MYLK4: variants seen among roughly 807,000 people sequenced by gnomAD.
MYLK4 encodes the protein myosin light chain kinase family member 4.
In MYLK4, 46 loss-of-function variants were observed where a neutral mutation model predicts 48.1. The observed-to-expected ratio is 0.96, with a 90% CI of 0.75 to 1.22. The LOEUF is 1.22. MYLK4 is among the 50% of genes most tolerant of loss of function. MYLK4 has a pLI of 0.00. For synonymous variants in MYLK4, 170 were observed against 180.8 expected, an observed-to-expected ratio of 0.94 and a Z score of 0.48; for missense variants, 451 against 486.1, an observed-to-expected ratio of 0.93 and a Z score of 0.68.
chr6:2,746,527 T>C (rs1764099546), intron 2 of MYLK4, among the ~76,000 whole-genome samples: 1 of 152,188 alleles, frequency 6.6e-6, no homozygotes, highest in South Asian at 2.1e-4. Flanking sequence ...TATATAAAAT[T>C]CTTCCCCTAT....
intron 11 of MYLK4, among the ~76,000 whole-genome samples, chr6:2,671,921 G>T (rs1760910657): frequency 6.6e-6 from 1 of 152,218 alleles, no homozygotes; most frequent in African/African-American, 2.4e-5. Flanking sequence ...AGAGCTGGGG[G>T]TGTCCTGGAG....
At position 2,665,964 on chromosome 6, in the gene MYLK4, C is replaced by T. The variant is rs1760635217; in HGVS notation, c.*1961G>A. 6.6e-6 allele frequency: 1 copy of T among 151,950 alleles called. No homozygotes were observed. Among genetic ancestry groups the T allele is most frequent in the Non-Finnish European group, 1.5e-5 (1 of 68,018 alleles). 9.4% of individuals were successfully genotyped at this position (151,950 alleles called of 1,614,324 possible). ...TGTTTTAAGCAAACTAAATTAAACA[C>T]TTAAGCATAGTCACATCACAGGAAC... On this transcript the variant is annotated 3_prime_UTR_variant, in exon 13 of 13. Transcript: ENST00000274643.
At chr6:2,767,995 G>C in the MYLK4 span, among the ~76,000 whole-genome samples, 1 of 152,316 alleles carries the variant, frequency 6.6e-6, no homozygotes, top group Non-Finnish European at 1.5e-5. Flanking sequence ...ACAGTCTTCA[G>C]TTTTTCTTCT....
At chr6:2,677,664 C>T (rs112009942) in intron 10 of MYLK4, among the ~76,000 whole-genome samples, 16 of 152,262 alleles carry the variant, frequency 1.1e-4, no homozygotes, top group African/African-American at 3.1e-4. Flanking sequence ...GCCAAGTGTG[C>T]GGCCGTTGGG....
chr6:2,762,234 A>G, the MYLK4 span, among the ~76,000 whole-genome samples: 3 of 152,290 alleles, frequency 2.0e-5, no homozygotes, highest in Admixed American at 6.5e-5. Flanking sequence ...CCCATAGTAC[A>G]CAAGTTTCCC....
intron 2 of MYLK4, among the ~76,000 whole-genome samples, chr6:2,745,295 G>C (rs1244787319): frequency 6.6e-6 from 1 of 151,968 alleles, no homozygotes; most frequent in Non-Finnish European, 1.5e-5. Flanking sequence ...ATAGATAACA[G>C]AGAACTGACA....
the MYLK4 span, chr6:2,766,163 G>T: frequency 7.5e-7 from 1 of 1,334,886 alleles, no homozygotes. Context: ...CGCGGACGCG[G>T]ACGGCGAGGA....
At chr6:2,760,360 A>G in the MYLK4 span, among the ~76,000 whole-genome samples, 1 of 152,230 alleles carries the variant, frequency 6.6e-6, no homozygotes, top group African/African-American at 2.4e-5. Flanking sequence ...ATCCAGGCAC[A>G]CCACCCTCCC....
rs778811212 is a variant in MYLK4 at position 2,675,028 on chromosome 6, A to T, written c.1119+19T>A. 6 of 1,590,322 alleles carry T rather than the reference A, an allele frequency of 3.8e-6. No homozygotes were observed. In the East Asian group the frequency reaches 1.3e-4, roughly 35 times the overall value. Reference sequence around the variant, plus strand: ...AGGCAGACAGGAGAAAAAGAGGAAGAGCAAGAAGCCGTGGTCACCTGGGCA... The same window carrying T: ...AGGCAGACAGGAGAAAAAGAGGAAGTGCAAGAAGCCGTGGTCACCTGGGCA... On this transcript the variant is annotated intron_variant, in intron 11 of 12. Coordinates refer to ENST00000274643, the MANE Select transcript of MYLK4 (RefSeq NM_001012418.5).
chr6:2,755,776 T>C (rs527935567), upstream of MYLK4, among the ~76,000 whole-genome samples: 35 of 152,320 alleles, frequency 2.3e-4, no homozygotes, highest in African/African-American at 8.4e-4. Context: ...ATGACATTGA[T>C]ATTTTTGAAG....
chr6:2,687,281 T>A (rs1201042134), intron 4 of MYLK4, among the ~76,000 whole-genome samples: 2 of 152,236 alleles, frequency 1.3e-5, no homozygotes, highest in Admixed American at 1.3e-4. Flanking sequence ...GTCTGCATTT[T>A]GAAGGCATCC....
At chr6:2,753,166 G>C (rs188966559), upstream of MYLK4, among the ~76,000 whole-genome samples, 559 of 152,268 alleles carry the variant, frequency 3.7e-3, 2 homozygotes, top group African/African-American at 0.013. Context: ...GCACCCTACA[G>C]AGCCATGGAA....
intron 2 of MYLK4, among the ~76,000 whole-genome samples, chr6:2,710,529 T>C (rs927714): frequency 0.86 from 130,331 of 151,794 alleles, 56,024 homozygotes; most frequent in Admixed American, 0.89. Context: ...CTTAAACAAC[T>C]ACCTCCTTTC....
intron 4 of MYLK4, among the ~76,000 whole-genome samples, chr6:2,686,787 T>C (rs1443329162): frequency 6.6e-6 from 1 of 152,162 alleles, no homozygotes. Flanking sequence ...ACGGCGTGAC[T>C]TCAATTCCAA....
At position 2,676,172 on chromosome 6, in the gene MYLK4, C is replaced by A. The variant is rs916367341; in HGVS notation, c.1041-1047G>T. ...ATGTAACAATCTGAAGTCAAAGAGG[C>A]AGTTTCAAGCAGTAATGAAGCTTCA... is the stretch of plus-strand genomic sequence containing the variant. On this transcript the variant is annotated intron_variant, in intron 10 of 12. Coordinates refer to ENST00000274643, the MANE Select transcript of MYLK4 (RefSeq NM_001012418.5). Among the ~76,000 whole-genome samples, 6 of 151,976 alleles carry A rather than the reference C, an allele frequency of 3.9e-5. No homozygotes were observed. In the East Asian group the frequency reaches 9.6e-4, roughly 24 times the overall value.
At chr6:2,768,735 C>T in the MYLK4 span, 10 of 1,613,506 alleles carry the variant, frequency 6.2e-6, no homozygotes, top group South Asian at 1.1e-5. Flanking sequence ...AGAAACATAG[C>T]ATAAGGTTTG....
the MYLK4 span, chr6:2,765,660 C>T: frequency 5.4e-5 from 83 of 1,548,006 alleles, no homozygotes; most frequent in South Asian, 2.1e-4. Flanking sequence ...CCCTTCCTTT[C>T]GCAGCTGCAC....
intron 2 of MYLK4, among the ~76,000 whole-genome samples, chr6:2,697,632 T>C (rs1336486240): frequency 2.0e-5 from 3 of 152,180 alleles, no homozygotes; most frequent in Non-Finnish European, 4.4e-5. Context: ...AACAACATCG[T>C]CTAATCCTTC....
the MYLK4 span, among the ~76,000 whole-genome samples, chr6:2,763,484 C>T: frequency 2.5e-3 from 385 of 152,360 alleles, 1 homozygote; most frequent in Non-Finnish European, 3.5e-3. Flanking sequence ...GTGGAGGCAA[C>T]TACGGCCTGG....
Sources: allele counts gnomAD v4.1 joint callset (sites outside exome capture counted in the v4.1 genomes callset), GRCh38; gene constraint gnomAD v4.1.1; transcripts MANE v1.5; gene names NCBI Gene and HGNC (gene_info 2026-07-23, HGNC 2026-07-21).